GTF2A1: variants seen among roughly 807,000 people sequenced by gnomAD.
GTF2A1 encodes transcription initiation factor IIA subunit 1.
In GTF2A1, 12 loss-of-function variants were observed where a neutral mutation model predicts 54.1. The observed-to-expected ratio is 0.22, with a 90% CI of 0.14 to 0.36. GTF2A1 has a LOEUF of 0.36. Ranked by LOEUF, GTF2A1 falls within the 10% of genes least tolerant of loss-of-function variation. The pLI is 1.00. For synonymous variants in GTF2A1, 145 were observed against 152.0 expected, an observed-to-expected ratio of 0.95 and a Z score of 0.34; for missense variants, 335 against 442.2, an observed-to-expected ratio of 0.76 and a Z score of 2.17.
intron 8 of GTF2A1, among the ~76,000 whole-genome samples, chr14:81,184,069 C>T (rs889958488): frequency 1.3e-5 from 2 of 152,182 alleles, no homozygotes; most frequent in African/African-American, 2.4e-5. Context: ...AGAGCTATCT[C>T]CCACTTACTA....
rs752549063 is a variant in GTF2A1 at position 81,180,177 on chromosome 14, ATTTT to A, written c.*42_*45del. The A allele has an allele frequency of 4.4e-5, 36 of 827,272 alleles. No homozygotes were observed. The highest frequency in any genetic ancestry group is 7.1e-5 in the Non-Finnish European group (36 of 508,272). 51.2% of individuals were successfully genotyped at this position (827,272 alleles called of 1,614,324 possible). A position where few individuals can be genotyped will look rare whatever the true frequency, so the allele number is the denominator to read the frequency against. Reference sequence around the variant, plus strand: ...CCAAGTTTCAAACTGTCCGCTTTACATTTTTTTTAAGTTTCTTTTATTTATAAAA... The same window carrying A: ...CCAAGTTTCAAACTGTCCGCTTTACATTTTAAGTTTCTTTTATTTATAAAA... On this transcript the variant is annotated 3_prime_UTR_variant, in exon 9 of 9. Coordinates refer to ENST00000553612, the MANE Select transcript of GTF2A1 (RefSeq NM_015859.4).
At chr14:81,207,131 CTACCTACG>C (rs1185571206) in intron 2 of GTF2A1, among the ~76,000 whole-genome samples, 6 of 135,032 alleles carry the variant, frequency 4.4e-5, no homozygotes, top group South Asian at 2.5e-4. Flanking sequence ...ATCTATCTAC[CTACCTACG>C]TACCTACCTA....
chr14:81,216,092 G>C (rs553793765), intron 2 of GTF2A1, among the ~76,000 whole-genome samples: 2 of 152,326 alleles, frequency 1.3e-5, no homozygotes, highest in South Asian at 4.2e-4. Flanking sequence ...ATAAAATGTA[G>C]AATGTTAACT....
At chr14:81,181,488 TA>T (rs1483243125) in intron 8 of GTF2A1, among the ~76,000 whole-genome samples, 2 of 152,256 alleles carry the variant, frequency 1.3e-5, no homozygotes, top group Non-Finnish European at 2.9e-5. Flanking sequence ...ACGCTTTTAC[TA>T]AATCAGTCTG....
chr14:81,203,997 C>T lies in GTF2A1; in HGVS notation c.240G>A (p.Gln80=), dbSNP rs564313560. Residue 80 remains glutamine (Q), a synonymous_variant, in exon 3 of 9, where the codon CAG becomes CAA. Transcript: ENST00000553612. ...GCTGATGATGGTGATGGTGGTGATG[C>T]TGCTGCTGCTGGGGTTGATGCTGCT... ...VQQQHQPQQQ[Q]HHHHHHHQQA... 2.5e-6 allele frequency: 4 copies of T among 1,609,618 alleles called. No homozygotes were observed. The highest frequency in any genetic ancestry group is 4.5e-5 in the East Asian group (2 of 44,850).
At chr14:81,211,895 A>AAC (rs1427141880) in intron 2 of GTF2A1, among the ~76,000 whole-genome samples, 1 of 141,238 alleles carries the variant, frequency 7.1e-6, no homozygotes, top group African/African-American at 2.7e-5. Flanking sequence ...ATATATATAT[A>AAC]TATATATATA....
intron 2 of GTF2A1, among the ~76,000 whole-genome samples, chr14:81,207,126 TCTACCTACCTACGTACCTACCTACCTAC>T (rs1171226842): frequency 8.5e-5 from 12 of 141,416 alleles, no homozygotes; most frequent in African/African-American, 2.9e-4. Flanking sequence ...TATCTATCTA[TCTACCTACCTACGTACCTACCTACCTAC>T]CTACCTACCT....
At chr14:81,204,648 G>C (rs74673517) in intron 2 of GTF2A1, among the ~76,000 whole-genome samples, 3 of 152,110 alleles carry the variant, frequency 2.0e-5, no homozygotes, top group Non-Finnish European at 2.9e-5. Flanking sequence ...TAAAGAAAAA[G>C]AACCGGCAAC....
intron 6 of GTF2A1, among the ~76,000 whole-genome samples, chr14:81,195,575 T>C (rs1308393937): frequency 7.2e-6 from 1 of 139,322 alleles, no homozygotes; most frequent in Admixed American, 7.9e-5. Context: ...GAGGTTGCAG[T>C]GAGCTGAGAT....
chr14:81,209,496 C>A (rs1024981653), intron 2 of GTF2A1, among the ~76,000 whole-genome samples: 1 of 152,166 alleles, frequency 6.6e-6, no homozygotes, highest in African/African-American at 2.4e-5. Context: ...CATCTAACAA[C>A]CTGGAATACT....
chr14:81,183,937 T>C (rs1892687250), intron 8 of GTF2A1, among the ~76,000 whole-genome samples: 1 of 152,222 alleles, frequency 6.6e-6, no homozygotes, highest in African/African-American at 2.4e-5. Flanking sequence ...AAACTGCTGT[T>C]CTTTACTATT....
chr14:81,179,686 G>A lies in GTF2A1; in HGVS notation c.*537C>T, dbSNP rs983740566. Reference sequence around the variant, plus strand: ...GGAAGAGGTATATATCACTGAGGGAGAATAGCAAGTAAAAATATTTAAGAC... The same window carrying A: ...GGAAGAGGTATATATCACTGAGGGAAAATAGCAAGTAAAAATATTTAAGAC... On this transcript the variant is annotated 3_prime_UTR_variant, in exon 9 of 9. Transcript: ENST00000553612. 5.3e-5 allele frequency: 8 copies of A among 152,200 alleles called. No homozygotes were observed. The highest frequency in any genetic ancestry group is 1.9e-4 in the African/African-American group (8 of 41,436). 9.4% of individuals were successfully genotyped at this position (152,200 alleles called of 1,614,324 possible).
chr14:81,175,793 C>T lies in GTF2A1; in HGVS notation c.*4430G>A, dbSNP rs1057250388. ...TTGGAGTAGAAATACTTATTTAATA[C>T]AATATGTTAATTATTAATATTTCAC... is the stretch of plus-strand genomic sequence containing the variant. On this transcript the variant is annotated 3_prime_UTR_variant, in exon 9 of 9. Transcript: ENST00000553612. 3.9e-5 allele frequency: 6 copies of T among 152,050 alleles called. No individual in the cohort carries two copies. Among genetic ancestry groups the T allele is most frequent in the Non-Finnish European group, 8.8e-5 (6 of 67,998 alleles). The allele number at this position is 152,050 out of a possible 1,614,324, so 9.4% of individuals were successfully genotyped here. A position where few individuals can be genotyped will look rare whatever the true frequency, so the allele number is the denominator to read the frequency against.
At position 81,217,355 on chromosome 14, in the gene GTF2A1, C is replaced by T. The variant is rs760966808; in HGVS notation, c.31-841G>A. Among the ~76,000 whole-genome samples, 121 of 152,272 alleles carry T rather than the reference C, an allele frequency of 7.9e-4. 1 individual carries two copies. The Middle Eastern group carries it at 0.014, about 17-fold the overall frequency. On this transcript the variant is annotated intron_variant, in intron 1 of 8. Coordinates refer to ENST00000553612, the MANE Select transcript of GTF2A1 (RefSeq NM_015859.4). ...TAGAACAATTAGCCCAATCCACATC[C>T]TATTTTTTCCCCCACATCCTATTTT...
In GTF2A1 at chr14:81,216,443, C is replaced by T; in HGVS notation, c.102G>A (p.Val34=). ...TTAGTTCCATCAGTACTTGTTCATC[C>T]ACTCCATCATCCAGAAAGATGTCTC... ...DVRDIFLDDG[V]DEQVLMELKT... Residue 34 remains valine (V), a synonymous_variant, in exon 2 of 9, where the codon GTG becomes GTA. Coordinates refer to ENST00000553612, the MANE Select transcript of GTF2A1 (RefSeq NM_015859.4). The T allele has an allele frequency of 6.7e-7, 1 of 1,499,286 alleles. No individual in the cohort carries two copies. Among genetic ancestry groups the T allele is most frequent in the Non-Finnish European group, 9.3e-7 (1 of 1,075,734 alleles). The allele number at this position is 1,499,286 out of a possible 1,614,324, so 92.9% of individuals were successfully genotyped here.
intron 5 of GTF2A1, 79 bp downstream of exon 5, chr14:81,197,330 C>A: frequency 2.8e-6 from 2 of 712,670 alleles, no homozygotes; most frequent in Non-Finnish European, 4.8e-6. Context: ...TTCTGTCTTT[C>A]AAAGAAGACA....
intron 7 of GTF2A1, among the ~76,000 whole-genome samples, chr14:81,190,588 A>T (rs1055780755): frequency 1.3e-5 from 2 of 152,166 alleles, no homozygotes; most frequent in Non-Finnish European, 2.9e-5. Context: ...AATTAAATGC[A>T]ACATTCACTT....
chr14:81,220,414 T>C (rs981418356), intron 1 of GTF2A1, 75 bp downstream of exon 1: 1 of 1,049,808 alleles, frequency 9.5e-7, no homozygotes. Context: ...GTCGCCGCCG[T>C]CCCCGCCCCC....
chr14:81,186,943 A>G (rs140405534), intron 7 of GTF2A1, among the ~76,000 whole-genome samples: 8 of 144,492 alleles, frequency 5.5e-5, no homozygotes, highest in South Asian at 2.3e-4. Context: ...CTGAGACTCT[A>G]TATCAACAAT....
Sources: allele counts gnomAD v4.1 joint callset (sites outside exome capture counted in the v4.1 genomes callset), GRCh38; gene constraint gnomAD v4.1.1; transcripts MANE v1.5; gene names NCBI Gene and HGNC (gene_info 2026-07-23, HGNC 2026-07-21).